The following DSCAM variants were observed in gnomAD, a reference collection of about 807,000 sequenced individuals.
The protein encoded by DSCAM is DS cell adhesion molecule.
DSCAM carries 47 observed loss-of-function variants against 217.7 expected under a neutral mutation model. The observed-to-expected ratio is 0.22, with a 90% CI of 0.17 to 0.28. The LOEUF is 0.28. Among genes scored for constraint, DSCAM ranks in the 10% least tolerant of loss-of-function variants. The pLI is 1.00. For missense variants in DSCAM, 2,080 were observed against 2,618.3 expected (o/e 0.79, Z 4.49); for synonymous variants, 1,056 against 1,015.3 (o/e 1.04, Z -0.76).
chr21:40,616,878 G>A (rs1045907251), intron 3 of DSCAM, among the ~76,000 whole-genome samples: 20 of 151,100 alleles, frequency 1.3e-4, no homozygotes, highest in Non-Finnish European at 2.5e-4. Context: ...TTAGCCGGGC[G>A]TAGTGGCGGG....
At chr21:40,629,952 T>C (rs1248531986) in intron 3 of DSCAM, among the ~76,000 whole-genome samples, 2 of 152,148 alleles carry the variant, frequency 1.3e-5, no homozygotes, top group East Asian at 1.9e-4. Flanking sequence ...TAAATGACAA[T>C]ATAGACAACA....
At chr21:40,272,498 G>A (rs1226875622) in intron 11 of DSCAM, among the ~76,000 whole-genome samples, 1 of 152,178 alleles carries the variant, frequency 6.6e-6, no homozygotes, top group Non-Finnish European at 1.5e-5. Context: ...GTGTGTGTAT[G>A]TGGTGGGTGT....
chr21:40,266,635 T>TA (rs1555896543), intron 11 of DSCAM, among the ~76,000 whole-genome samples: 1 of 62,628 alleles, frequency 1.6e-5, no homozygotes, highest in African/African-American at 8.4e-5. Context: ...CAAAGATGTT[T>TA]TATATATATA....
chr21:40,182,199 A>G (rs2090811719), intron 14 of DSCAM, among the ~76,000 whole-genome samples: 1 of 152,190 alleles, frequency 6.6e-6, no homozygotes, highest in Admixed American at 6.5e-5. Flanking sequence ...AAGGTTTAAC[A>G]ATGGAGAGGT....
At chr21:40,138,946 G>T (rs181965277) in intron 18 of DSCAM, among the ~76,000 whole-genome samples, 39 of 144,392 alleles carry the variant, frequency 2.7e-4, no homozygotes, top group Non-Finnish European at 3.9e-4. Context: ...GTGTATATGG[G>T]GTGTGTGTGG....
intron 3 of DSCAM, among the ~76,000 whole-genome samples, chr21:40,533,795 A>G (rs1407915897): frequency 1.4e-5 from 2 of 141,706 alleles, no homozygotes; most frequent in African/African-American, 5.3e-5. Flanking sequence ...CTGTTTTTCT[A>G]TCTCTTCCTT....
intron 16 of DSCAM, among the ~76,000 whole-genome samples, chr21:40,157,038 T>G (rs1482695719): frequency 6.6e-6 from 1 of 152,194 alleles, no homozygotes; most frequent in Non-Finnish European, 1.5e-5. Flanking sequence ...CTGCTTGTTT[T>G]TATGTGGCTC....
At chr21:40,047,570 A>G (rs2088862333) in intron 30 of DSCAM, among the ~76,000 whole-genome samples, 1 of 152,150 alleles carries the variant, frequency 6.6e-6, no homozygotes, top group African/African-American at 2.4e-5. Flanking sequence ...GGGATGAGAG[A>G]GGATTTTGTA....
At chr21:40,047,740 C>T (rs1016175364) in intron 30 of DSCAM, among the ~76,000 whole-genome samples, 4 of 152,148 alleles carry the variant, frequency 2.6e-5, no homozygotes, top group African/African-American at 7.2e-5. Context: ...ACTGGGAGAT[C>T]TGAACACTCC....
intron 3 of DSCAM, among the ~76,000 whole-genome samples, chr21:40,512,301 C>A (rs151060665): frequency 5.3e-5 from 8 of 152,238 alleles, no homozygotes; most frequent in African/African-American, 1.7e-4. Flanking sequence ...TGACTTCACA[C>A]CTACTCTGGG....
chr21:40,527,513 A>G (rs1206349650), intron 3 of DSCAM, among the ~76,000 whole-genome samples: 1 of 152,158 alleles, frequency 6.6e-6, no homozygotes, highest in Non-Finnish European at 1.5e-5. Context: ...TTCCTAACAC[A>G]TAGCTGGCAA....
Position 40,769,075 on chromosome 21 carries a change from G to A in DSCAM, c.44-60304C>T, listed in dbSNP as rs117840967. The stretch of plus-strand genomic sequence containing the variant: ...TGTCTGCTCCTATTAATCCACTAGA[G>A]TCTAGACCTGAAAGGCTCATGGGGG... On this transcript the variant is annotated intron_variant, in intron 1 of 32. Coordinates refer to ENST00000400454, the MANE Select transcript of DSCAM (RefSeq NM_001389.5). Among the ~76,000 whole-genome samples the A allele has an allele frequency of 1.8e-4, 27 of 152,124 alleles. No homozygotes were observed. In the East Asian group the frequency reaches 3.9e-3, roughly 22 times the overall value.
intron 6 of DSCAM, among the ~76,000 whole-genome samples, chr21:40,343,183 T>A: frequency 6.6e-6 from 1 of 152,138 alleles, no homozygotes; most frequent in South Asian, 2.1e-4. Context: ...TAAACTCTCT[T>A]TTAGAAATTG....
chr21:40,498,646 AGTGTGTG>A (rs2076139059), intron 3 of DSCAM, among the ~76,000 whole-genome samples: 1 of 106,558 alleles, frequency 9.4e-6, no homozygotes, highest in African/African-American at 3.2e-5. Context: ...ATATATATAT[AGTGTGTG>A]TGTATATATA....
intron 26 of DSCAM, 147 bp downstream of exon 26, chr21:40,078,540 C>T: frequency 9.8e-7 from 1 of 1,022,280 alleles, no homozygotes; most frequent in Non-Finnish European, 1.4e-6. Flanking sequence ...GAGCCCCAGA[C>T]AGAGTCCATT....
chr21:40,458,470 T>C (rs899490952), intron 3 of DSCAM, among the ~76,000 whole-genome samples: 3 of 151,098 alleles, frequency 2.0e-5, no homozygotes, highest in African/African-American at 7.3e-5. Context: ...ATGTAAATAA[T>C]AAGAAAGGAT....
intron 3 of DSCAM, among the ~76,000 whole-genome samples, chr21:40,562,240 T>TAGTGAGTGAGTTCTCAC (rs1568906580): frequency 6.6e-6 from 1 of 152,180 alleles, no homozygotes; most frequent in African/African-American, 2.4e-5. Flanking sequence ...GCGGTTCTCA[T>TAGTGAGTGAGTTCTCAC]GATAGTGAGT....
intron 3 of DSCAM, among the ~76,000 whole-genome samples, chr21:40,477,250 GCTCT>G (rs1222873783): frequency 1.3e-5 from 2 of 152,040 alleles, no homozygotes; most frequent in African/African-American, 2.4e-5. Flanking sequence ...AATAAAACCA[GCTCT>G]CTATCTGCCA....
chr21:40,225,042 C>T (rs1466399848), intron 11 of DSCAM, among the ~76,000 whole-genome samples: 9 of 152,158 alleles, frequency 5.9e-5, no homozygotes, highest in South Asian at 2.1e-4. Flanking sequence ...GACACTCACA[C>T]GAGGTACACA....
Sources: allele counts gnomAD v4.1 joint callset (sites outside exome capture counted in the v4.1 genomes callset), GRCh38; gene constraint gnomAD v4.1.1; transcripts MANE v1.5; gene names NCBI Gene and HGNC (gene_info 2026-07-23, HGNC 2026-07-21).